The following KIAA0825 variants were observed in gnomAD, a reference collection of about 807,000 sequenced individuals.
KIAA0825 encodes the protein uncharacterized protein KIAA0825.
KIAA0825 carries 119 observed loss-of-function variants against 147.6 expected under a neutral mutation model. The observed-to-expected ratio is 0.81, with a 90% CI of 0.69 to 0.94. The LOEUF is 0.94. KIAA0825 is among the 40% of genes least tolerant of loss of function. KIAA0825 has a pLI of 0.00. For synonymous variants in KIAA0825, 470 were observed against 518.1 expected (o/e 0.91, Z 1.26); for missense variants, 1,381 against 1,472.7 (o/e 0.94, Z 1.02).
At chr5:94,553,887 G>A (rs978477923) in intron 2 of KIAA0825, among the ~76,000 whole-genome samples, 1 of 152,038 alleles carries the variant, frequency 6.6e-6, no homozygotes, top group African/African-American at 2.4e-5. Flanking sequence ...AGCATGAGAA[G>A]GACATATTTC....
At chr5:94,166,997 T>C (rs1279236488) in intron 20 of KIAA0825, among the ~76,000 whole-genome samples, 1 of 152,138 alleles carries the variant, frequency 6.6e-6, no homozygotes, top group Non-Finnish European at 1.5e-5. Context: ...GGAATAGTAG[T>C]GGGAAATCCA....
chr5:94,490,724 T>A (rs1324973085), intron 5 of KIAA0825, among the ~76,000 whole-genome samples: 1 of 152,130 alleles, frequency 6.6e-6, no homozygotes, highest in Non-Finnish European at 1.5e-5. Context: ...TCTAGATATA[T>A]ACACATACAC....
rs576309059 is a variant in KIAA0825 at position 94,384,743 on chromosome 5, G to A, written c.3620-285C>T. On this transcript the variant is annotated intron_variant, in intron 19 of 20. Transcript: ENST00000682413. Reference sequence around the variant, plus strand: ...AGTGTTAATGGCATTTGCCCAGCAAGTTTCTCTGAGAAGGAGACTGTTTGA... The same window carrying A: ...AGTGTTAATGGCATTTGCCCAGCAAATTTCTCTGAGAAGGAGACTGTTTGA... Among the ~76,000 whole-genome samples, 25 of 152,292 alleles carry A rather than the reference G, an allele frequency of 1.6e-4. No individual in the cohort carries two copies. In the East Asian group the frequency reaches 4.8e-3, roughly 29 times the overall value.
At chr5:94,356,559 C>A (rs1040407531) in intron 20 of KIAA0825, among the ~76,000 whole-genome samples, 3 of 150,248 alleles carry the variant, frequency 2.0e-5, no homozygotes, top group Non-Finnish European at 4.4e-5. Context: ...TGCAGTGAGC[C>A]GAGATTGCGC....
intron 20 of KIAA0825, among the ~76,000 whole-genome samples, chr5:94,368,245 TCA>T (rs1746144139): frequency 6.6e-6 from 1 of 152,222 alleles, no homozygotes; most frequent in Admixed American, 6.5e-5. Flanking sequence ...CAATCACAGC[TCA>T]CTACAGTCCC....
chr5:94,367,317 T>C lies in KIAA0825; in HGVS notation c.3710+17051A>G, dbSNP rs527635480. 2.0e-5 allele frequency among the ~76,000 whole-genome samples: 3 copies of C among 152,118 alleles called. No homozygotes were observed. The East Asian group carries it at 5.8e-4, about 29-fold the overall frequency. ...TTTGAGGCCAGCCTGGCCAACATGA[T>C]GAAACCCCATCTCTAATAAAAATAC... On this transcript the variant is annotated intron_variant, in intron 20 of 20. Coordinates refer to ENST00000682413, the MANE Select transcript of KIAA0825 (RefSeq NM_001145678.3).
intron 20 of KIAA0825, among the ~76,000 whole-genome samples, chr5:94,189,971 C>T (rs1009142382): frequency 6.6e-6 from 1 of 152,024 alleles, no homozygotes; most frequent in Non-Finnish European, 1.5e-5. Context: ...TTTCCTTTTG[C>T]AATGTTATAT....
At position 94,151,615 on chromosome 5, in the gene KIAA0825, T is replaced by C. The variant is rs1393555514; in HGVS notation, c.*2392A>G. On this transcript the variant is annotated 3_prime_UTR_variant, in exon 21 of 21. Coordinates refer to ENST00000682413, the MANE Select transcript of KIAA0825 (RefSeq NM_001145678.3). The stretch of plus-strand genomic sequence containing the variant: ...TTTCTCTCCTACTTTTATCTTCCTT[T>C]AAACTCATCCCATTTTCCCCTTACT... Among the ~76,000 whole-genome samples the C allele has an allele frequency of 6.6e-6, 1 of 152,116 alleles. No individual in the cohort carries two copies.
chr5:94,329,703 A>G (rs1026440731), intron 20 of KIAA0825, among the ~76,000 whole-genome samples: 1 of 152,164 alleles, frequency 6.6e-6, no homozygotes, highest in African/African-American at 2.4e-5. Flanking sequence ...AGACGTGAAT[A>G]AAGACTCACC....
intron 20 of KIAA0825, among the ~76,000 whole-genome samples, chr5:94,235,246 A>C (rs538264942): frequency 1.4e-4 from 21 of 152,348 alleles, no homozygotes; most frequent in Admixed American, 1.1e-3. Flanking sequence ...TTTTAAAGGA[A>C]ATTAAAAGTG....
At chr5:94,373,680 C>T (rs760308410) in intron 20 of KIAA0825, among the ~76,000 whole-genome samples, 6 of 152,080 alleles carry the variant, frequency 3.9e-5, no homozygotes, top group Non-Finnish European at 8.8e-5. Context: ...CCCACTGGGT[C>T]CCTCTCATGG....
At chr5:94,367,222 G>T (rs565013915) in intron 20 of KIAA0825, among the ~76,000 whole-genome samples, 19 of 152,156 alleles carry the variant, frequency 1.2e-4, no homozygotes, top group Non-Finnish European at 1.9e-4. Flanking sequence ...TACACCTGTT[G>T]TAAGAAATAG....
intron 18 of KIAA0825, among the ~76,000 whole-genome samples, chr5:94,389,778 T>A (rs1193198849): frequency 1.3e-5 from 2 of 152,182 alleles, no homozygotes; most frequent in Non-Finnish European, 2.9e-5. Context: ...CAGCTAGTCA[T>A]GCTTGTGTTG....
chr5:94,218,047 A>G (rs1326229550), intron 20 of KIAA0825, among the ~76,000 whole-genome samples: 1 of 152,184 alleles, frequency 6.6e-6, no homozygotes, highest in Admixed American at 6.5e-5. Context: ...ACAATAAAAC[A>G]CAAACACGTA....
intron 20 of KIAA0825, among the ~76,000 whole-genome samples, chr5:94,258,301 C>A (rs1431372410): frequency 1.3e-5 from 2 of 151,980 alleles, no homozygotes; most frequent in African/African-American, 4.8e-5. Flanking sequence ...AACTGAGAGT[C>A]AAGACGCCTT....
intron 2 of KIAA0825, among the ~76,000 whole-genome samples, chr5:94,564,770 A>T (rs1276817838): frequency 6.6e-6 from 1 of 152,116 alleles, no homozygotes; most frequent in Non-Finnish European, 1.5e-5. Flanking sequence ...TTCACTATGT[A>T]TGAGGAAACC....
chr5:94,473,491 C>A lies in KIAA0825; in HGVS notation c.1256G>T (p.Ser419Ile). ...GGGAAGAGACACTTCTTTAAATGCA[C>A]TTCTCCAGCCAAAATCTAGTAAGGT... ...EATLLDFGWRSAFKEVSLPMA... is the reference protein window; with the variant it reads ...EATLLDFGWRIAFKEVSLPMA... The change falls in exon 8 of 21, where the codon AGT becomes ATT. Residue 419 changes from serine (S) to isoleucine (I), a missense_variant. By Grantham distance (142) the Ser-to-Ile change is moderately radical. Coordinates refer to ENST00000682413, the MANE Select transcript of KIAA0825 (RefSeq NM_001145678.3). 3 of 1,551,562 alleles carry A rather than the reference C, an allele frequency of 1.9e-6. No individual in the cohort carries two copies. The highest frequency in any genetic ancestry group is 2.6e-6 in the Non-Finnish European group (3 of 1,146,890).
intron 2 of KIAA0825, among the ~76,000 whole-genome samples, chr5:94,546,790 A>AC (rs1176855776): frequency 1.6e-5 from 2 of 127,300 alleles, no homozygotes; most frequent in Admixed American, 7.8e-5. Flanking sequence ...ATGTCCAGGC[A>AC]CCAAAAAAAA....
chr5:94,311,543 A>C (rs1010189900), intron 20 of KIAA0825, among the ~76,000 whole-genome samples: 1 of 151,640 alleles, frequency 6.6e-6, no homozygotes, highest in Non-Finnish European at 1.5e-5. Flanking sequence ...TAACAAACTA[A>C]CACCACCAAA....
Sources: gnomAD v4.1 joint callset for allele counts (sites outside exome capture counted in the v4.1 genomes callset) on GRCh38, gnomAD v4.1.1 for gene constraint, MANE v1.5 for transcripts, NCBI Gene and HGNC (gene_info 2026-07-23, HGNC 2026-07-21) for gene names.